Variants in JAK1 observed in about 807,000 individuals in gnomAD.
JAK1 encodes the protein Janus kinase 1, also known as tyrosine-protein kinase JAK1.
A neutral mutation model predicts 136.6 loss-of-function variants in JAK1; 16 were observed. That is an observed-to-expected ratio of 0.12 (90% CI 0.08 to 0.18). The LOEUF is 0.18. Among genes scored for constraint, JAK1 ranks in the 10% least tolerant of loss-of-function variants. JAK1 has a pLI of 1.00. For missense variants in JAK1, 859 were observed against 1,450.1 expected, an observed-to-expected ratio of 0.59 and a Z score of 6.62; for synonymous variants, 492 against 519.5, an observed-to-expected ratio of 0.95 and a Z score of 0.72.
chr1:65,014,020 G>A (rs1646872333), intron 2 of JAK1, among the ~76,000 whole-genome samples: 2 of 152,060 alleles, frequency 1.3e-5, no homozygotes, highest in South Asian at 2.1e-4. Context: ...GAGATTGAGA[G>A]CAAAACAAAA....
chr1:65,019,410 T>C (rs1646918078), intron 2 of JAK1, among the ~76,000 whole-genome samples: 1 of 151,250 alleles, frequency 6.6e-6, no homozygotes, highest in Non-Finnish European at 1.5e-5. Context: ...AATGAAACAA[T>C]GTAATTTGTC....
At chr1:64,892,526 C>T (rs898974256) in intron 1 of JAK1, among the ~76,000 whole-genome samples, 1 of 152,120 alleles carries the variant, frequency 6.6e-6, no homozygotes, top group Non-Finnish European at 1.5e-5. Context: ...CTCAAGCAAT[C>T]CTCCCATCTC....
intron 1 of JAK1, among the ~76,000 whole-genome samples, chr1:64,895,335 TA>T (rs1644998408): frequency 6.6e-6 from 1 of 152,224 alleles, no homozygotes; most frequent in Non-Finnish European, 1.5e-5. Context: ...AATACATTTT[TA>T]AATGCTAAAC....
chr1:64,925,892 T>C (rs2100404888), intron 1 of JAK1, among the ~76,000 whole-genome samples: 1 of 152,290 alleles, frequency 6.6e-6, no homozygotes, highest in South Asian at 2.1e-4. Context: ...CAATCACCTA[T>C]AAAACCACCT....
At chr1:65,011,941 A>T (rs1646852775) in intron 2 of JAK1, among the ~76,000 whole-genome samples, 3 of 152,220 alleles carry the variant, frequency 2.0e-5, no homozygotes, top group South Asian at 4.1e-4. Context: ...AGTTAAGGTG[A>T]GTCAGCAGTA....
intron 1 of JAK1, among the ~76,000 whole-genome samples, chr1:64,888,570 T>TCAAGGATCTGAC (rs1444558510): frequency 6.6e-6 from 1 of 152,232 alleles, no homozygotes; most frequent in Non-Finnish European, 1.5e-5. Context: ...CATGTAAGAT[T>TCAAGGATCTGAC]CAAGGATCTG....
intron 10 of JAK1, 92 bp from the exon 11 acceptor site, chr1:64,855,790 T>TAATTTTGCACCA: frequency 9.8e-7 from 1 of 1,022,912 alleles, no homozygotes. Context: ...GCATGAAGAG[T>TAATTTTGCACCA]AATTTTGCAC....
intron 2 of JAK1, among the ~76,000 whole-genome samples, chr1:65,029,839 C>T (rs1342069417): frequency 4.6e-5 from 7 of 152,026 alleles, no homozygotes; most frequent in African/African-American, 1.2e-4. Context: ...GGAAGAATAA[C>T]GAATGGGTAC....
chr1:64,973,225 AAGAAAGAAAGAAAGAAGG>A (rs1646468351), intron 2 of JAK1: 1 of 149,124 alleles, frequency 6.7e-6, no homozygotes, highest in Non-Finnish European at 1.5e-5. Context: ...AAGAAAGGAA[AAGAAAGAAAGAAAGAAGG>A]AGAAAGAAAG....
intron 14 of JAK1, 128 bp from the exon 15 acceptor site, chr1:64,845,768 G>A: frequency 8.8e-7 from 1 of 1,132,036 alleles, no homozygotes; most frequent in African/African-American, 1.5e-5. Flanking sequence ...CTTGGGGGGT[G>A]CAATGGTGCA....
At chr1:64,980,137 C>T (rs535920588) in intron 2 of JAK1, among the ~76,000 whole-genome samples, 1 of 152,178 alleles carries the variant, frequency 6.6e-6, no homozygotes, top group East Asian at 1.9e-4. Context: ...AGAGAAAAGA[C>T]TTGGAGATAA....
intron 5 of JAK1, 60 bp downstream of exon 5, chr1:64,873,310 G>C: frequency 6.3e-7 from 1 of 1,598,218 alleles, no homozygotes; most frequent in Non-Finnish European, 8.6e-7. Context: ...GGGGGTCTGA[G>C]CTCTACAATG....
intron 7 of JAK1, among the ~76,000 whole-genome samples, chr1:64,865,306 C>G (rs1213773271): frequency 6.6e-6 from 1 of 152,246 alleles, no homozygotes; most frequent in Non-Finnish European, 1.5e-5. Flanking sequence ...TTCCAGACTA[C>G]TACACATGCT....
intron 1 of JAK1, among the ~76,000 whole-genome samples, chr1:64,899,911 C>T (rs1216135399): frequency 6.6e-6 from 1 of 152,186 alleles, no homozygotes; most frequent in South Asian, 2.1e-4. Context: ...TAGACGCACA[C>T]ATGTAATCCT....
intron 3 of JAK1, 96 bp from the exon 4 acceptor site, chr1:64,879,244 C>T (rs1241762766): frequency 4.2e-6 from 6 of 1,426,926 alleles, no homozygotes; most frequent in South Asian, 1.3e-5. Context: ...GGAACTCTCT[C>T]ATCCACAAAG....
At chr1:64,976,976 A>G (rs1569801743) in intron 2 of JAK1, among the ~76,000 whole-genome samples, 1 of 152,278 alleles carries the variant, frequency 6.6e-6, no homozygotes. Context: ...CTCTTGGGCA[A>G]TGTTCCTTAT....
intron 9 of JAK1, among the ~76,000 whole-genome samples, chr1:64,858,885 C>T (rs1415406959): frequency 2.0e-5 from 3 of 152,176 alleles, no homozygotes; most frequent in Admixed American, 2.0e-4. Flanking sequence ...GAAGACTTCA[C>T]GGATAAGGTG....
chr1:65,062,558 T>C (rs1421154412), intron 1 of JAK1, among the ~76,000 whole-genome samples: 2 of 151,976 alleles, frequency 1.3e-5, no homozygotes, highest in South Asian at 2.1e-4. Context: ...AGGAACACAA[T>C]TACACTCCAC....
chr1:64,844,678 C>T lies in JAK1; in HGVS notation c.2251+76G>A. The stretch of plus-strand genomic sequence containing the variant: ...AAATGACTCTCTAAAAGGAGACCAA[C>T]CCCAGCCCAGCCCTTCTCTCTGCTG... On this transcript the variant is annotated intron_variant, in intron 16 of 24. Coordinates refer to ENST00000342505, the MANE Select transcript of JAK1 (RefSeq NM_002227.4). The surrounding 1 kb of genome is among the most constrained non-coding windows in gnomAD (Gnocchi z 5.7). 1 of 1,576,866 alleles carries T rather than the reference C, an allele frequency of 6.3e-7. No homozygotes were observed. The highest frequency in any genetic ancestry group is 8.7e-7 in the Non-Finnish European group (1 of 1,149,694).
Sources: gnomAD v4.1 joint callset for allele counts (sites outside exome capture counted in the v4.1 genomes callset) on GRCh38, gnomAD v4.1.1 for gene constraint, Gnocchi (gnomAD v3.1) non-coding constraint, MANE v1.5 for transcripts, NCBI Gene and HGNC (gene_info 2026-07-23, HGNC 2026-07-21) for gene names.